The following ERBB4 variants were observed in gnomAD, a reference collection of about 807,000 sequenced individuals.
The protein encoded by ERBB4 is erb-b2 receptor tyrosine kinase 4.
ERBB4 carries 42 observed loss-of-function variants against 158.0 expected under a neutral mutation model. That is an observed-to-expected ratio of 0.27 (90% CI 0.21 to 0.34). The LOEUF (loss-of-function observed/expected upper bound fraction) is 0.34, where lower values mean the gene tolerates loss of function less well. Ranked by LOEUF, ERBB4 falls within the 10% of genes least tolerant of loss-of-function variation. ERBB4 has a pLI of 1.00. For synonymous variants in ERBB4, 583 were observed against 558.7 expected, an observed-to-expected ratio of 1.04 and a Z score of -0.61; for missense variants, 1,333 against 1,624.1, an observed-to-expected ratio of 0.82 and a Z score of 3.08.
chr2:212,373,048 C>T (rs1301188879), intron 1 of ERBB4, among the ~76,000 whole-genome samples: 1 of 152,102 alleles, frequency 6.6e-6, no homozygotes, highest in East Asian at 1.9e-4. Context: ...AGTTTTTGTA[C>T]TTAACTATTA....
chr2:212,116,261 T>C (rs990100491), intron 2 of ERBB4, among the ~76,000 whole-genome samples: 2 of 151,758 alleles, frequency 1.3e-5, no homozygotes, highest in Non-Finnish European at 2.9e-5. Flanking sequence ...GATTGATAAA[T>C]ACTAGTCTAT....
intron 1 of ERBB4, among the ~76,000 whole-genome samples, chr2:212,529,220 G>C (rs1692613890): frequency 6.6e-6 from 1 of 152,052 alleles, no homozygotes; most frequent in Non-Finnish European, 1.5e-5. Context: ...TGCTTAAATT[G>C]ATTAAATGTT....
chr2:212,084,296 C>T (rs985190772), intron 2 of ERBB4, among the ~76,000 whole-genome samples: 2 of 151,986 alleles, frequency 1.3e-5, no homozygotes, highest in Non-Finnish European at 2.9e-5. Context: ...AAGTTATCCA[C>T]TTATGAGAAT....
intron 20 of ERBB4, among the ~76,000 whole-genome samples, chr2:211,448,625 T>C (rs1216545500): frequency 6.6e-6 from 1 of 152,146 alleles, no homozygotes; most frequent in African/African-American, 2.4e-5. Context: ...GGAAATTGAA[T>C]TACATTTTGA....
intron 1 of ERBB4, among the ~76,000 whole-genome samples, chr2:212,449,775 G>A (rs549936702): frequency 1.3e-5 from 2 of 152,076 alleles, no homozygotes; most frequent in South Asian, 4.2e-4. Flanking sequence ...TTCTTGGACA[G>A]GTACCAGGCT....
At chr2:211,549,317 G>T (rs2067019852) in intron 20 of ERBB4, among the ~76,000 whole-genome samples, 1 of 151,980 alleles carries the variant, frequency 6.6e-6, no homozygotes. Context: ...CAACCACCTA[G>T]AAAACAAAAG....
intron 1 of ERBB4, among the ~76,000 whole-genome samples, chr2:212,184,864 G>C (rs2081971649): frequency 6.6e-6 from 1 of 151,814 alleles, no homozygotes; most frequent in African/African-American, 2.4e-5. Context: ...TTTTTTCTTA[G>C]ATTCTAGTCT....
At chr2:211,528,193 G>T (rs2066403625) in intron 20 of ERBB4, among the ~76,000 whole-genome samples, 1 of 151,920 alleles carries the variant, frequency 6.6e-6, no homozygotes, top group Non-Finnish European at 1.5e-5. Flanking sequence ...AACAAAAAAA[G>T]AGCAAGAGTT....
chr2:211,414,828 T>C (rs1475988083), intron 25 of ERBB4, among the ~76,000 whole-genome samples: 1 of 152,094 alleles, frequency 6.6e-6, no homozygotes, highest in Non-Finnish European at 1.5e-5. Flanking sequence ...TTTCTAGCTC[T>C]TTTTCTTATC....
rs74539159 is a variant in ERBB4 at position 212,011,261 on chromosome 2, C to T, written c.235-63645G>A. 8.5e-5 allele frequency among the ~76,000 whole-genome samples: 13 copies of T among 152,204 alleles called. No homozygotes were observed. The East Asian group carries it at 9.7e-4, about 11-fold the overall frequency. ...ATCATCACAATTTATGTCCCTCTGCCGTGGCTCCAGCTGGTCCCTCCGTTT... is the reference window on the plus strand; with the variant it reads ...ATCATCACAATTTATGTCCCTCTGCTGTGGCTCCAGCTGGTCCCTCCGTTT... On this transcript the variant is annotated intron_variant, in intron 2 of 27. Transcript: ENST00000342788.
chr2:212,124,832 A>T lies in ERBB4; in HGVS notation c.154T>A (p.Tyr52Asn), dbSNP rs2125571137. ...LEQQYRALRK[Y>N]YENCEVVMGN... ...ATGACAACCTCACAGTTTTCATAGTACTTGCGCAAGGCTCGGTACTGCTGT... is the reference window on the plus strand; with the variant it reads ...ATGACAACCTCACAGTTTTCATAGTTCTTGCGCAAGGCTCGGTACTGCTGT... The change falls in exon 2 of 28, where the codon TAC becomes AAC. Residue 52 changes from tyrosine (Y) to asparagine (N), a missense_variant. Coordinates refer to ENST00000342788, the MANE Select transcript of ERBB4 (RefSeq NM_005235.3). 1 of 1,614,194 alleles carries T rather than the reference A, an allele frequency of 6.2e-7. No homozygotes were observed.
chr2:212,006,014 G>C (rs2076251315), intron 2 of ERBB4, among the ~76,000 whole-genome samples: 1 of 151,762 alleles, frequency 6.6e-6, no homozygotes, highest in Admixed American at 6.6e-5. Flanking sequence ...CTGAAAAGGA[G>C]AAAAAAAAGA....
chr2:212,107,085 C>G (rs757221968), intron 2 of ERBB4, among the ~76,000 whole-genome samples: 10 of 152,148 alleles, frequency 6.6e-5, no homozygotes, highest in Non-Finnish European at 1.5e-4. Flanking sequence ...GGGGTGCTGC[C>G]TAGTTATGAG....
chr2:212,064,179 A>T lies in ERBB4; in HGVS notation c.234+60573T>A, dbSNP rs374069786. Among the ~76,000 whole-genome samples, 23 of 152,180 alleles carry T rather than the reference A, an allele frequency of 1.5e-4. No homozygotes were observed. The East Asian group carries it at 4.3e-3, about 28-fold the overall frequency. The stretch of plus-strand genomic sequence containing the variant: ...TAGAAAGAAAAGAAAAATAACAAAA[A>T]CCAAAACTATTATTTACAAAGGCCT... On this transcript the variant is annotated intron_variant, in intron 2 of 27. Coordinates refer to ENST00000342788, the MANE Select transcript of ERBB4 (RefSeq NM_005235.3).
At chr2:212,004,009 A>C (rs547714294) in intron 2 of ERBB4, among the ~76,000 whole-genome samples, 7 of 152,350 alleles carry the variant, frequency 4.6e-5, no homozygotes, top group Admixed American at 6.5e-5. Context: ...AAGTACTTGA[A>C]TAATGTTAAT....
chr2:212,352,985 G>T (rs541688151), intron 1 of ERBB4, among the ~76,000 whole-genome samples: 2 of 152,110 alleles, frequency 1.3e-5, no homozygotes, highest in South Asian at 4.2e-4. Flanking sequence ...AAATGAAAAT[G>T]AAAATATCCT....
At chr2:211,805,342 T>C (rs2076590561) in intron 3 of ERBB4, among the ~76,000 whole-genome samples, 2 of 152,168 alleles carry the variant, frequency 1.3e-5, no homozygotes, top group Admixed American at 1.3e-4. Flanking sequence ...AGAACAAGAA[T>C]CTGTCTGATC....
At chr2:212,070,871 T>G (rs2078094939) in intron 2 of ERBB4, among the ~76,000 whole-genome samples, 1 of 152,012 alleles carries the variant, frequency 6.6e-6, no homozygotes, top group South Asian at 2.1e-4. Flanking sequence ...TCACACTTCT[T>G]TTTTTAATGT....
chr2:211,491,112 A>G (rs917184837), intron 20 of ERBB4, among the ~76,000 whole-genome samples: 11 of 152,220 alleles, frequency 7.2e-5, no homozygotes, highest in Non-Finnish European at 1.0e-4. Flanking sequence ...TCTAGGACAC[A>G]AAATGTTGAC....
Sources: gnomAD v4.1 joint callset for allele counts (sites outside exome capture counted in the v4.1 genomes callset) on GRCh38, gnomAD v4.1.1 for gene constraint, MANE v1.5 for transcripts, NCBI Gene and HGNC (gene_info 2026-07-23, HGNC 2026-07-21) for gene names.